Variants in ZNF208 observed in about 807,000 individuals in gnomAD.
ZNF208 encodes zinc finger protein 95.
A neutral mutation model predicts 12.1 loss-of-function variants in ZNF208; 10 were observed. The observed-to-expected ratio is 0.83, with a 90% confidence interval of 0.51 to 1.40. The LOEUF is 1.40. Ranked by LOEUF, ZNF208 falls within the 40% of genes most tolerant of loss-of-function variation. The pLI, the probability that ZNF208 is intolerant of heterozygous loss-of-function variation, is 0.00. For synonymous variants in ZNF208, 497 were observed against 488.4 expected, an observed-to-expected ratio of 1.02 and a Z score of -0.23; for missense variants, 1,652 against 1,485.0, an observed-to-expected ratio of 1.11 and a Z score of -1.85.
chr19:21,946,362 A>G (rs1414603761), intron 4 of ZNF208, among the ~76,000 whole-genome samples: 1 of 152,180 alleles, frequency 6.6e-6, no homozygotes, highest in Non-Finnish European at 1.5e-5. Context: ...TGAGTCACAC[A>G]TTCTCTAAGA....
intron 4 of ZNF208, among the ~76,000 whole-genome samples, chr19:21,952,356 C>A (rs1969902628): frequency 6.6e-6 from 1 of 152,234 alleles, no homozygotes; most frequent in African/African-American, 2.4e-5. Flanking sequence ...TCAAGTCAAT[C>A]CCTGACCCCC....
At chr19:21,978,445 C>A (rs1442360594) in intron 3 of ZNF208, among the ~76,000 whole-genome samples, 11 of 152,188 alleles carry the variant, frequency 7.2e-5, no homozygotes, top group Non-Finnish European at 1.6e-4. Context: ...CTAGAGTAGA[C>A]TTCCAGAAAG....
chr19:21,971,570 G>T lies in ZNF208; in HGVS notation c.3464C>A (p.Thr1155Asn), dbSNP rs776397803. 1.9e-6 allele frequency: 3 copies of T among 1,602,934 alleles called. No homozygotes were observed. Among genetic ancestry groups the T allele is most frequent in the Non-Finnish European group, 2.5e-6 (3 of 1,177,242 alleles). Residue 1155 changes from threonine (T) to asparagine (N), a missense_variant, in exon 4 of 4, where the codon ACC (threonine) becomes AAC (asparagine). Around this residue, in one of 3 missense-constraint regions of ZNF208, gnomAD observed 1,239 missense variants for 1,086.2 expected, o/e 1.14. Coordinates refer to ENST00000397126, the MANE Select transcript of ZNF208 (RefSeq NM_007153.3). ...ATGAATTTTCTTATGATAACTAAGG[G>T]TTGAGGACCACTTATAGGCTTTGCC... is the stretch of plus-strand genomic sequence containing the variant. The part of the protein sequence containing the change: ...ECGKAYKWSS[T>N]LSYHKKIHTV...
intron 3 of ZNF208, among the ~76,000 whole-genome samples, chr19:21,975,650 C>T (rs1357756699): frequency 3.3e-5 from 5 of 151,720 alleles, no homozygotes; most frequent in African/African-American, 9.7e-5. Context: ...TCAGAAAGAA[C>T]CCATTAGCAA....
Position 21,971,830 on chromosome 19 carries a change from C to T in ZNF208, c.3204G>A (p.Trp1068Ter). ...CCTTATGTTCAGTAAGTCTTGAGGG[C>T]CAGCTGAAGGCTTTGCCACATTCTT... ...KCEECGKAFSWPSRLTEHKAT... is the reference protein window; with the variant it reads ...KCEECGKAFS Residue 1068 changes from tryptophan to a stop codon, truncating the protein, a stop_gained, in exon 4 of 4, where the codon TGG becomes TGA. Transcript: ENST00000397126. LOFTEE classifies it low-confidence loss of function (END_TRUNC). 4 of 1,613,026 alleles carry T rather than the reference C, an allele frequency of 2.5e-6. No homozygotes were observed. Among genetic ancestry groups the T allele is most frequent in the Middle Eastern group, 1.7e-4 (1 of 6,050 alleles).
intron 1 of ZNF208, among the ~76,000 whole-genome samples, 169 bp from the exon 2 acceptor site, chr19:21,989,078 C>CT (rs993535634): frequency 2.0e-5 from 3 of 146,422 alleles, no homozygotes; most frequent in Admixed American, 6.7e-5. Flanking sequence ...TATTCTCTCT[C>CT]TTTTTTCTTT....
rs370020873 is a variant in ZNF208, at chr19:21,957,347, AT to A, written c.305+17381del. ...GGCACCATGCCCAGCTGAAAAATCC[AT>A]TTTCTTATGCAATGAAATACAACAG... On this transcript the variant is annotated intron_variant, in intron 4 of 4. Coordinates refer to the ZNF208 transcript ENST00000599916. 4.6e-5 allele frequency among the ~76,000 whole-genome samples: 7 copies of A among 152,220 alleles called. No individual in the cohort carries two copies. The East Asian group carries it at 1.4e-3, about 29-fold the overall frequency.
chr19:21,954,436 G>T (rs1568435194), intron 4 of ZNF208, among the ~76,000 whole-genome samples: 2 of 152,040 alleles, frequency 1.3e-5, no homozygotes, highest in Admixed American at 6.6e-5. Flanking sequence ...GACTGTGGTG[G>T]TAAAGTCTCC....
chr19:21,972,632 T>C lies in ZNF208; in HGVS notation c.2402A>G (p.Asp801Gly), dbSNP rs139351235. The change falls in exon 4 of 4, where the codon GAT (aspartate) becomes GGT (glycine). Residue 801 changes from aspartate (D) to glycine (G), a missense_variant. Around this residue, in one of 3 missense-constraint regions of ZNF208, gnomAD observed 1,239 missense variants for 1,086.2 expected, o/e 1.14. Transcript: ENST00000397126. ...ILIKHKRIHT[D>G]EKPYKCEECG... is the part of the protein sequence containing the mutation. Reference sequence around the variant, plus strand: ...TTCTTCACATTTGTAGGGTTTCTCATCAGTATGAATTCTCTTATGTTTAAT... The same window carrying C: ...TTCTTCACATTTGTAGGGTTTCTCACCAGTATGAATTCTCTTATGTTTAAT... The C allele has an allele frequency of 6.4e-3, 10,246 of 1,608,598 alleles. 580 individuals are homozygous for C. In the African/African-American group the frequency reaches 0.12, roughly 19 times the overall value.
intron 3 of ZNF208, among the ~76,000 whole-genome samples, chr19:21,975,320 G>T (rs928431026): frequency 1.3e-5 from 2 of 152,186 alleles, no homozygotes; most frequent in South Asian, 4.1e-4. Flanking sequence ...GTTTGAGTCT[G>T]CTGAGACCAA....
chr19:22,001,332 G>T (rs974963425), intron 1 of ZNF208, among the ~76,000 whole-genome samples: 39 of 151,900 alleles, frequency 2.6e-4, no homozygotes, highest in Non-Finnish European at 2.9e-5. Flanking sequence ...TAAATACATA[G>T]ATAAGCTCAA....
At chr19:21,982,232 C>T (rs1280077969) in intron 3 of ZNF208, among the ~76,000 whole-genome samples, 1 of 151,824 alleles carries the variant, frequency 6.6e-6, no homozygotes. Flanking sequence ...GTGGCAGGCG[C>T]CTGTAGTCCC....
intron 1 of ZNF208, among the ~76,000 whole-genome samples, chr19:22,003,606 A>C (rs995063571): frequency 6.6e-6 from 1 of 152,236 alleles, no homozygotes; most frequent in Non-Finnish European, 1.5e-5. Context: ...AGAGAAATGC[A>C]AAAGAAAACC....
At chr19:21,994,902 A>T (rs571201769) in intron 1 of ZNF208, among the ~76,000 whole-genome samples, 1 of 151,588 alleles carries the variant, frequency 6.6e-6, no homozygotes, top group Non-Finnish European at 1.5e-5. Flanking sequence ...GCTAGTCTAG[A>T]CTACAACTTC....
In ZNF208 at chr19:22,010,778, C is replaced by G. The variant is rs371375934; in HGVS notation, c.3+14G>C. On this transcript the variant is annotated intron_variant, in intron 1 of 3. Transcript: ENST00000397126. ...CGGGCCACTCTCTCAGTGTGTCGGA[C>G]CCGGCACACTCACCATTTCTAGGCT... 3.7e-6 allele frequency: 6 copies of G among 1,614,172 alleles called. No individual in the cohort carries two copies. In the South Asian group the frequency reaches 5.5e-5, roughly 15 times the overall value.
At chr19:22,001,924 AAAAAG>A (rs1450011392) in intron 1 of ZNF208, among the ~76,000 whole-genome samples, 277 of 148,396 alleles carry the variant, frequency 1.9e-3, no homozygotes, top group African/African-American at 6.4e-3. Flanking sequence ...AAAAAAAAGA[AAAAAG>A]AAAAGAAAAG....
chr19:22,000,850 A>T (rs950583982), intron 1 of ZNF208, among the ~76,000 whole-genome samples: 1 of 152,036 alleles, frequency 6.6e-6, no homozygotes, highest in African/African-American at 2.4e-5. Context: ...AATTAGAAAT[A>T]AAAAAAAGAG....
chr19:21,966,389 G>C lies in ZNF208; in HGVS notation c.*4802C>G, dbSNP rs544242077. ...TTTTTCTGATGCAATAATTTGCTTA[G>C]AATGGCCTGAAGCAGAGCTGCATTC... On this transcript the variant is annotated 3_prime_UTR_variant, in exon 4 of 4. Coordinates refer to ENST00000397126, the MANE Select transcript of ZNF208 (RefSeq NM_007153.3). 2 of 152,190 alleles carry C rather than the reference G, an allele frequency of 1.3e-5. No individual in the cohort carries two copies. The highest frequency in any genetic ancestry group is 4.1e-4 in the South Asian group (2 of 4,830). 9.4% of individuals were successfully genotyped at this position (152,190 alleles called of 1,614,324 possible). A position where few individuals can be genotyped will look rare whatever the true frequency, so the allele number is the denominator to read the frequency against.
intron 1 of ZNF208, among the ~76,000 whole-genome samples, chr19:21,994,505 C>T (rs764810469): frequency 2.6e-5 from 4 of 151,712 alleles, no homozygotes; most frequent in African/African-American, 9.7e-5. Flanking sequence ...AGTGTAGAGC[C>T]GATGTACAAT....
Sources: gnomAD v4.1 joint callset for allele counts (sites outside exome capture counted in the v4.1 genomes callset) on GRCh38, gnomAD v4.1.1 for gene constraint, gnomAD v4.1.1 regional missense constraint, MANE v1.5 for transcripts, NCBI Gene and HGNC (gene_info 2026-07-23, HGNC 2026-07-21) for gene names.